CLPTM1L: variants seen among roughly 807,000 people sequenced by gnomAD.
The protein encoded by CLPTM1L is lipid scramblase CLPTM1L.
Under a neutral mutation model 70.9 loss-of-function variants are expected in CLPTM1L, and 38 were observed. The ratio of observed to expected loss-of-function variants is 0.54; its 90% CI spans 0.41 to 0.70. The LOEUF is 0.70. CLPTM1L is among the 30% of genes least tolerant of loss of function. The pLI, the probability that CLPTM1L is intolerant of heterozygous loss-of-function variation, is 0.00. For missense variants in CLPTM1L, 652 were observed against 705.9 expected (o/e 0.92, Z 0.87); for synonymous variants, 339 against 299.9 (o/e 1.13, Z -1.35).
chr5:1,344,309 T>C, intron 2 of CLPTM1L, 42 bp downstream of exon 2: 1 of 1,282,696 alleles, frequency 7.8e-7, no homozygotes, highest in Non-Finnish European at 1.1e-6. Context: ...TGAACATGAG[T>C]AATGTTTTCC....
chr5:1,321,892 C>T (rs1302899053), intron 13 of CLPTM1L, 73 bp from the exon 14 acceptor site: 16 of 1,442,500 alleles, frequency 1.1e-5, no homozygotes, highest in Non-Finnish European at 1.4e-5. Flanking sequence ...ACGGCACTCA[C>T]GAGGTGTGGA....
Position 1,320,599 on chromosome 5 carries a change from T to A in CLPTM1L, c.1532+17A>T. 1 of 1,427,222 alleles carries A rather than the reference T, an allele frequency of 7.0e-7. No individual in the cohort carries two copies. The highest frequency in any genetic ancestry group is 9.5e-7 in the Non-Finnish European group (1 of 1,056,658). The allele number at this position is 1,427,222 out of a possible 1,614,324, so 88.4% of individuals were successfully genotyped here. A position where few individuals can be genotyped will look rare whatever the true frequency, so the allele number is the denominator to read the frequency against. ...GCTGAGACGGAGCAACGGCCGAGCA[T>A]ACGCAGCCGCACTCACCACCGCTGG... On this transcript the variant is annotated intron_variant, in intron 16 of 16. Transcript: ENST00000320895.
In CLPTM1L at chr5:1,344,928, C is replaced by G; in HGVS notation, c.-87G>C. On this transcript the variant is annotated 5_prime_UTR_variant, in exon 1 of 17. Coordinates refer to ENST00000320895, the MANE Select transcript of CLPTM1L (RefSeq NM_030782.5). The stretch of plus-strand genomic sequence containing the variant: ...GGCGCCCAGCCCGCCGCTCCGGGCT[C>G]CGCCGCTCACTGGAGAGCCGCCGCG... 3 of 782,110 alleles carry G rather than the reference C, an allele frequency of 3.8e-6. No individual in the cohort carries two copies. Among genetic ancestry groups the G allele is most frequent in the Non-Finnish European group, 4.6e-6 (3 of 649,532 alleles). 48.4% of individuals were successfully genotyped at this position (782,110 alleles called of 1,614,324 possible). A position where few individuals can be genotyped will look rare whatever the true frequency, so the allele number is the denominator to read the frequency against.
chr5:1,331,949 T>C, intron 7 of CLPTM1L, 66 bp from the exon 8 acceptor site: 2 of 1,361,972 alleles, frequency 1.5e-6, no homozygotes, highest in South Asian at 1.2e-5. Flanking sequence ...GAGACAGAGA[T>C]AGAGGCTTCG....
chr5:1,320,606 C>CTG lies in CLPTM1L; in HGVS notation c.1532+9_1532+10insCA. On this transcript the variant is annotated intron_variant, in intron 16 of 16. Coordinates refer to ENST00000320895, the MANE Select transcript of CLPTM1L (RefSeq NM_030782.5). ...CGGAGCAACGGCCGAGCATACGCAG[C>CTG]CGCACTCACCACCGCTGGTACAGGT... The CTG allele has an allele frequency of 2.0e-6, 3 of 1,492,832 alleles. No individual in the cohort carries two copies. Among genetic ancestry groups the CTG allele is most frequent in the Non-Finnish European group, 9.1e-7 (1 of 1,104,108 alleles). 92.5% of individuals were successfully genotyped at this position (1,492,832 alleles called of 1,614,324 possible). A position where few individuals can be genotyped will look rare whatever the true frequency, so the allele number is the denominator to read the frequency against.
rs1561236384 is a variant in CLPTM1L at position 1,328,299 on chromosome 5, TACATTTCATCCAGCTACTCCTCTACGGAC to T, written c.1080+1952_1080+1980del. On this transcript the variant is annotated intron_variant, in intron 9 of 16. Transcript: ENST00000320895. ...TCCATCCAGCTCCTCCTCTACAGGA[TACATTTCATCCAGCTACTCCTCTACGGAC>T]ACATTTCATCCAGCTCCTCCTCTAC... Among the ~76,000 whole-genome samples the T allele has an allele frequency of 1.4e-3, 187 of 130,512 alleles. 8 individuals carry two copies. Among genetic ancestry groups the T allele is most frequent in the African/African-American group, 5.3e-3 (171 of 32,392 alleles). 85.6% of individuals were successfully genotyped at this position (130,512 alleles called of 152,430 possible). A position where few individuals can be genotyped will look rare whatever the true frequency, so the allele number is the denominator to read the frequency against.
Position 1,318,404 on chromosome 5 carries a change from C to T in CLPTM1L, c.1582G>A (p.Glu528Lys), listed in dbSNP as rs536687608. The T allele has an allele frequency of 5.0e-6, 8 of 1,613,906 alleles. No individual in the cohort carries two copies. The highest frequency in any genetic ancestry group is 1.1e-5 in the South Asian group (1 of 91,080). The change falls in exon 17 of 17, where the codon GAG (glutamate) becomes AAG (lysine). Residue 528 changes from glutamate (E) to lysine (K), a missense_variant. Glu to Lys is a moderately conservative substitution (Grantham distance 56). Transcript: ENST00000320895. The surrounding 1 kb of genome is among the most constrained non-coding windows in gnomAD (Gnocchi z 8.9). The part of the protein sequence containing the change: ...RRVNEFGESY[E>K]EKATRAPHTD ...TGGGGCGCCCGCGTGGCCTTCTCCT[C>T]GTAGGACTCCCCAAACTCGTTCACT...
intron 8 of CLPTM1L, chr5:1,330,828 A>T (rs558465747): frequency 1.2e-5 from 2 of 161,056 alleles, no homozygotes; most frequent in African/African-American, 4.8e-5. Context: ...CCTGAGGGCA[A>T]GCAGGGGAAG....
chr5:1,342,078 G>C lies in CLPTM1L; in HGVS notation c.264-218C>G, dbSNP rs1163474325. Among the ~76,000 whole-genome samples the C allele has an allele frequency of 2.0e-5, 3 of 151,266 alleles. No homozygotes were observed. Among genetic ancestry groups the C allele is most frequent in the Non-Finnish European group, 2.9e-5 (2 of 67,966 alleles). On this transcript the variant is annotated intron_variant, in intron 2 of 16. Coordinates refer to ENST00000320895, the MANE Select transcript of CLPTM1L (RefSeq NM_030782.5). This position sits in a 1 kb window ranked among gnomAD's most constrained non-coding sequence, Gnocchi z 4.3. ...TGCGCGTCCTGAGAACTCGGCACAG[G>C]TGTGGGCGCCTACAGCCGAAAGCAA...
rs1753964368 is a variant in CLPTM1L, at chr5:1,341,988, C to T, written c.264-128G>A. The T allele has an allele frequency of 9.9e-6, 7 of 709,062 alleles. No individual in the cohort carries two copies. In the Admixed American group the frequency reaches 1.9e-4, roughly 20 times the overall value. The allele number at this position is 709,062 out of a possible 1,614,324, so 43.9% of individuals were successfully genotyped here. A position where few individuals can be genotyped will look rare whatever the true frequency, so the allele number is the denominator to read the frequency against. On this transcript the variant is annotated intron_variant, in intron 2 of 16. Coordinates refer to ENST00000320895, the MANE Select transcript of CLPTM1L (RefSeq NM_030782.5). The stretch of plus-strand genomic sequence containing the variant: ...TCAGAAGTACTAAAAATGAAACCCA[C>T]CTGCCCAGGGCTTTACGAGTCGTGT...
At chr5:1,329,797 ACT>A (rs901127201) in intron 9 of CLPTM1L, among the ~76,000 whole-genome samples, 1 of 108,802 alleles carries the variant, frequency 9.2e-6, no homozygotes, top group South Asian at 3.1e-4. Flanking sequence ...GAGCCTCAGG[ACT>A]CTCTGCTTGG....
chr5:1,325,920 G>C, intron 9 of CLPTM1L, 104 bp from the exon 10 acceptor site: 2 of 928,362 alleles, frequency 2.2e-6, no homozygotes, highest in Non-Finnish European at 3.5e-6. Flanking sequence ...CCATGGCCCC[G>C]CGCAGCCCAC....
rs754699743 is a variant in CLPTM1L, at chr5:1,321,793, T to C, written c.1342A>G (p.Met448Val). Residue 448 changes from methionine (M) to valine (V), a missense_variant, in exon 14 of 17, where the codon ATG becomes GTG. Met to Val is a conservative substitution (Grantham distance 21). Coordinates refer to ENST00000320895, the MANE Select transcript of CLPTM1L (RefSeq NM_030782.5). The stretch of plus-strand genomic sequence containing the variant: ...TAGTTCACAAAGAGCTGGGGCAGCA[T>C]GAAGAGGAAACCAAAGGCATAGACC... ...NGVYAFGFLF[M>V]LPQLFVNYKL... is the part of the protein sequence containing the mutation. 6.2e-7 allele frequency: 1 copy of C among 1,613,974 alleles called. No individual in the cohort carries two copies. The highest frequency in any genetic ancestry group is 1.1e-5 in the South Asian group (1 of 91,082).
At chr5:1,343,366 C>T (rs557399980) in intron 2 of CLPTM1L, among the ~76,000 whole-genome samples, 1 of 152,256 alleles carries the variant, frequency 6.6e-6, no homozygotes, top group East Asian at 1.9e-4. Flanking sequence ...ACACTTGAGG[C>T]GGAGCTGTGT....
intron 5 of CLPTM1L, among the ~76,000 whole-genome samples, chr5:1,335,506 G>A (rs988420357): frequency 1.3e-5 from 2 of 152,254 alleles, no homozygotes; most frequent in Non-Finnish European, 2.9e-5. Context: ...TTGCCACCCA[G>A]CTGCTAGGAC....
intron 15 of CLPTM1L, 56 bp from the exon 16 acceptor site, chr5:1,320,787 T>G (rs1041648210): frequency 6.5e-6 from 7 of 1,075,886 alleles, no homozygotes; most frequent in Non-Finnish European, 9.4e-6. Flanking sequence ...GGAATCCTAC[T>G]GTTTTTGGTA....
At chr5:1,324,636 C>T (rs759790135) in intron 11 of CLPTM1L, 127 bp downstream of exon 11, 1 of 926,308 alleles carries the variant, frequency 1.1e-6, no homozygotes, top group Non-Finnish European at 1.7e-6. Flanking sequence ...TCTTGGGATC[C>T]CTGCTCAAGG....
chr5:1,321,433 A>G (rs564316124), intron 15 of CLPTM1L, among the ~76,000 whole-genome samples: 38 of 152,100 alleles, frequency 2.5e-4, no homozygotes, highest in African/African-American at 9.2e-4. Context: ...TGAGAGAACC[A>G]CCCCAGTCTT....
At chr5:1,340,821 C>T (rs1017937738) in intron 3 of CLPTM1L, among the ~76,000 whole-genome samples, 1 of 152,220 alleles carries the variant, frequency 6.6e-6, no homozygotes, top group African/African-American at 2.4e-5. Context: ...CTCCCTCTGT[C>T]GCCCAGGCTG....
Sources: allele counts gnomAD v4.1 joint callset (sites outside exome capture counted in the v4.1 genomes callset), GRCh38; gene constraint gnomAD v4.1.1; non-coding constraint Gnocchi (gnomAD v3.1); transcripts MANE v1.5; gene names NCBI Gene and HGNC (gene_info 2026-07-23, HGNC 2026-07-21).